Variants in PRMT1 observed in about 807,000 individuals in gnomAD.
PRMT1 encodes protein arginine methyltransferase 1.
Under a neutral mutation model 47.4 loss-of-function variants are expected in PRMT1, and 5 were observed. The ratio of observed to expected loss-of-function variants is 0.11; its 90% confidence interval spans 0.06 to 0.22. PRMT1 has a LOEUF of 0.22. PRMT1 is among the 10% of genes least tolerant of loss of function. The pLI, the probability that PRMT1 is intolerant of heterozygous loss-of-function variation, is 1.00. For missense variants in PRMT1, 249 were observed against 518.4 expected (o/e 0.48, Z 5.05); for synonymous variants, 227 against 204.6 (o/e 1.11, Z -0.94).
Position 49,685,133 on chromosome 19 carries a change from G to A in PRMT1, c.759+96G>A. ...TGGGACTTTGGGGCCCAGAATGTTG[G>A]CCTGAGGTCTCAGAGCCTGATCTGC... is the stretch of plus-strand genomic sequence containing the variant. On this transcript the variant is annotated intron_variant, in intron 8 of 10. Transcript: ENST00000454376. The surrounding 1 kb of genome is among the most constrained non-coding windows in gnomAD (Gnocchi z 4.7). The A allele has an allele frequency of 1.3e-6, 2 of 1,579,002 alleles. No individual in the cohort carries two copies. Among genetic ancestry groups the A allele is most frequent in the Non-Finnish European group, 1.7e-6 (2 of 1,162,598 alleles).
At chr19:49,682,942 C>T (rs1348472580) in intron 5 of PRMT1, among the ~76,000 whole-genome samples, 10 of 152,072 alleles carry the variant, frequency 6.6e-5, no homozygotes, top group South Asian at 2.1e-4. Context: ...CCAGCCACCA[C>T]GCCCGGCTAA....
rs758935437 is a variant in PRMT1 at position 49,686,272 on chromosome 19, C to T, written c.910+29C>T. ...AGGCGGGGCCCACAGGGCTGGGGGC[C>T]GTTCCCGAGCCAGGGCGGAGGCGCA... On this transcript the variant is annotated intron_variant, in intron 9 of 10. Transcript: ENST00000454376. The T allele has an allele frequency of 4.9e-5, 77 of 1,562,988 alleles. No individual in the cohort carries two copies. In the East Asian group the frequency reaches 7.7e-4, roughly 16 times the overall value.
intron 1 of PRMT1, 39 bp from the exon 2 acceptor site, chr19:49,679,833 C>G (rs369225137): frequency 1.1e-4 from 175 of 1,541,788 alleles, no homozygotes; most frequent in South Asian, 1.6e-4. Context: ...CACAGCCACT[C>G]CCAGTAGCTA....
chr19:49,686,520 G>A, intron 9 of PRMT1, 85 bp from the exon 10 acceptor site: 1 of 1,449,458 alleles, frequency 6.9e-7, no homozygotes, highest in Non-Finnish European at 9.3e-7. Context: ...GCTGTCATGG[G>A]GGTGGGCATT....
At chr19:49,687,576 G>C (rs556241179) in intron 10 of PRMT1, among the ~76,000 whole-genome samples, 497 of 151,680 alleles carry the variant, frequency 3.3e-3, no homozygotes, top group Non-Finnish European at 5.0e-3. Context: ...TCCGGAGAAG[G>C]GGTGGTCCTG....
intron 9 of PRMT1, 128 bp downstream of exon 9, chr19:49,686,371 G>C: frequency 2.2e-6 from 3 of 1,351,300 alleles, no homozygotes; most frequent in Non-Finnish European, 2.0e-6. Context: ...TGTGAGCTCT[G>C]CCATGTAGCA....
At chr19:49,682,709 G>A (rs186025633) in intron 5 of PRMT1, among the ~76,000 whole-genome samples, 75 of 150,646 alleles carry the variant, frequency 5.0e-4, no homozygotes, top group Non-Finnish European at 8.0e-4. Flanking sequence ...TTGTCATGTC[G>A]TTTAACACTT....
At chr19:49,687,449 A>T (rs945735815) in intron 10 of PRMT1, among the ~76,000 whole-genome samples, 1 of 151,626 alleles carries the variant, frequency 6.6e-6, no homozygotes, top group African/African-American at 2.4e-5. Flanking sequence ...GGACCCTGGG[A>T]CACCCACGAG....
chr19:49,683,666 T>C (rs190799904), intron 5 of PRMT1: 5,153 of 348,100 alleles, frequency 0.015, 75 homozygotes, highest in African/African-American at 0.027. Context: ...CCAGCCTGGG[T>C]GACAGAGCAA....
At chr19:49,687,294 G>A (rs2082222408) in intron 10 of PRMT1, among the ~76,000 whole-genome samples, 1 of 152,156 alleles carries the variant, frequency 6.6e-6, no homozygotes. Flanking sequence ...ACAGGGTCTG[G>A]GCAGAGATCC....
Position 49,685,764 on chromosome 19 carries a change from A to G in PRMT1, c.760-329A>G. 2 of 1,123,052 alleles carry G rather than the reference A, an allele frequency of 1.8e-6. No homozygotes were observed. The highest frequency in any genetic ancestry group is 2.8e-5 in the South Asian group (1 of 36,102). The allele number at this position is 1,123,052 out of a possible 1,614,324, so 69.6% of individuals were successfully genotyped here. A position where few individuals can be genotyped will look rare whatever the true frequency, so the allele number is the denominator to read the frequency against. On this transcript the variant is annotated intron_variant, in intron 8 of 10. Coordinates refer to ENST00000454376, the MANE Select transcript of PRMT1 (RefSeq NM_001536.6). The surrounding 1 kb of genome is among the most constrained non-coding windows in gnomAD (Gnocchi z 4.7). ...GGCATTTGTGTTGCCGTTTGAAGCC[A>G]TCATGTTGTTGGACTTGTCAAGGGG...
At position 49,684,605 on chromosome 19, in the gene PRMT1, C is replaced by A; in HGVS notation, c.556-149C>A. On this transcript the variant is annotated intron_variant, in intron 6 of 10. Coordinates refer to ENST00000454376, the MANE Select transcript of PRMT1 (RefSeq NM_001536.6). The surrounding 1 kb of genome is among the most constrained non-coding windows in gnomAD (Gnocchi z 6.2). ...GTGCCCCTGGGTGCCCTCTGGCGGC[C>A]GTGTGGGAAATAGACCAGGGGGCGA... 1 of 938,276 alleles carries A rather than the reference C, an allele frequency of 1.1e-6. No homozygotes were observed. The highest frequency in any genetic ancestry group is 1.6e-6 in the Non-Finnish European group (1 of 629,926). The allele number at this position is 938,276 out of a possible 1,614,324, so 58.1% of individuals were successfully genotyped here. A position where few individuals can be genotyped will look rare whatever the true frequency, so the allele number is the denominator to read the frequency against.
In PRMT1 at chr19:49,685,427, T is replaced by A. The variant is rs956906618; in HGVS notation, c.759+390T>A. 4 of 1,187,000 alleles carry A rather than the reference T, an allele frequency of 3.4e-6. No individual in the cohort carries two copies. The highest frequency in any genetic ancestry group is 1.1e-6 in the Non-Finnish European group (1 of 946,618). 73.5% of individuals were successfully genotyped at this position (1,187,000 alleles called of 1,614,324 possible). The stretch of plus-strand genomic sequence containing the variant: ...GGTCCCAGCTACTCGGGAGGATCAC[T>A]TGGGCCTGGGAGTTCAAGGCTGCAG... On this transcript the variant is annotated intron_variant, in intron 8 of 10. Coordinates refer to ENST00000454376, the MANE Select transcript of PRMT1 (RefSeq NM_001536.6). This position sits in a 1 kb window ranked among gnomAD's most constrained non-coding sequence, Gnocchi z 4.7.
upstream of PRMT1, among the ~76,000 whole-genome samples, chr19:49,676,677 C>T (rs967986130): frequency 2.6e-5 from 4 of 152,148 alleles, no homozygotes; most frequent in African/African-American, 9.7e-5. Context: ...CCTCCAGACT[C>T]CCCCCGGGTT....
rs749964094 is a variant in PRMT1, at chr19:49,686,711, C to T, written c.1017C>T (p.Pro339=). 3.1e-6 allele frequency: 5 copies of T among 1,607,512 alleles called. No individual in the cohort carries two copies. In the South Asian group the frequency reaches 3.3e-5, roughly 11 times the overall value. The change falls in exon 10 of 11, where the codon CCC becomes CCT. Residue 339 remains proline, a synonymous_variant. Transcript: ENST00000454376. The stretch of plus-strand genomic sequence containing the variant: ...TCTTCGGCACCATCGGCATGCGGCC[C>T]AACGCCAAGAACAACGTGAGGCTCC... The part of the protein sequence containing the change: ...EEIFGTIGMR[P]NAKNNRDLDF...
intron 5 of PRMT1, among the ~76,000 whole-genome samples, 171 bp downstream of exon 5, chr19:49,682,430 C>T (rs1272242830): frequency 6.6e-6 from 1 of 152,158 alleles, no homozygotes. Flanking sequence ...AAATCACAGG[C>T]TTAGCACCGC....
chr19:49,681,996 G>A lies in PRMT1; in HGVS notation c.279G>A (p.Leu93=). The A allele has an allele frequency of 6.2e-7, 1 of 1,614,202 alleles. No individual in the cohort carries two copies. The highest frequency in any genetic ancestry group is 1.7e-5 in the Admixed American group (1 of 60,016). Residue 93 remains leucine, a synonymous_variant, in exon 4 of 11, where the codon CTG becomes CTA. Transcript: ENST00000454376. The surrounding 1 kb of genome is among the most constrained non-coding windows in gnomAD (Gnocchi z 4.4). ...NRHLFKDKVV[L]DVGSGTGILC... Reference sequence around the variant, plus strand: ...ACCTCTTCAAGGACAAGGTGGTGCTGGACGTCGGCTCGGGCACCGGCATCC... The same window carrying A: ...ACCTCTTCAAGGACAAGGTGGTGCTAGACGTCGGCTCGGGCACCGGCATCC...
rs1568486297 is a variant in PRMT1, at chr19:49,681,818, C to T, written c.193-92C>T. Reference sequence around the variant, plus strand: ...GGTGCATGGAAGAAAGCGAGAGGGCCGAGCTCTGGCCCTCCGAGCTCTCAG... The same window carrying T: ...GGTGCATGGAAGAAAGCGAGAGGGCTGAGCTCTGGCCCTCCGAGCTCTCAG... On this transcript the variant is annotated intron_variant, in intron 3 of 10. Coordinates refer to ENST00000454376, the MANE Select transcript of PRMT1 (RefSeq NM_001536.6). This position sits in a 1 kb window ranked among gnomAD's most constrained non-coding sequence, Gnocchi z 4.4. 52 of 1,306,934 alleles carry T rather than the reference C, an allele frequency of 4.0e-5. No individual in the cohort carries two copies. Among genetic ancestry groups the T allele is most frequent in the Non-Finnish European group, 5.2e-5 (50 of 964,734 alleles). 81.0% of individuals were successfully genotyped at this position (1,306,934 alleles called of 1,614,324 possible). A position where few individuals can be genotyped will look rare whatever the true frequency, so the allele number is the denominator to read the frequency against.
In PRMT1 at chr19:49,688,200, C is replaced by G; in HGVS notation, c.1071C>G (p.Gly357=). The G allele has an allele frequency of 6.2e-7, 1 of 1,613,986 alleles. No individual in the cohort carries two copies. The highest frequency in any genetic ancestry group is 2.2e-5 in the East Asian group (1 of 44,872). ...LDFTIDLDFK[G]QLCELSCSTD... is the part of the protein sequence containing the mutation. ...TCACCATCGACCTGGACTTCAAGGG[C>G]CAGCTGTGCGAGCTGTCCTGCTCCA... Residue 357 remains glycine (G), a synonymous_variant, in exon 11 of 11, where the codon GGC becomes GGG. Transcript: ENST00000454376. The surrounding 1 kb of genome is among the most constrained non-coding windows in gnomAD (Gnocchi z 5.3).
Sources: gnomAD v4.1 joint callset for allele counts (sites outside exome capture counted in the v4.1 genomes callset) on GRCh38, gnomAD v4.1.1 for gene constraint, Gnocchi (gnomAD v3.1) non-coding constraint, MANE v1.5 for transcripts, NCBI Gene and HGNC (gene_info 2026-07-23, HGNC 2026-07-21) for gene names.